The following CELF2 variants were observed in gnomAD, a reference collection of about 807,000 sequenced individuals.
The protein encoded by CELF2 is CUGBP Elav-like family member 2.
In CELF2, 8 loss-of-function variants were observed where a neutral mutation model predicts 62.6. The ratio of observed to expected loss-of-function variants is 0.13; its 90% CI spans 0.07 to 0.23. The LOEUF is 0.23. Among genes scored for constraint, CELF2 ranks in the 10% least tolerant of loss-of-function variants. CELF2 has a pLI of 1.00. For missense variants in CELF2, 333 were observed against 671.0 expected (o/e 0.50, Z 5.56); for synonymous variants, 258 against 250.0 (o/e 1.03, Z -0.30).
chr10:10,776,037 G>C, the CELF2 span, among the ~76,000 whole-genome samples: 1 of 152,210 alleles, frequency 6.6e-6, no homozygotes, highest in Non-Finnish European at 1.5e-5. Context: ...GTGCTCAACA[G>C]AGGCATCATT....
Position 10,822,761 on chromosome 10 carries a change from T to G in CELF2, c.53+23944T>G, listed in dbSNP as rs150932504. Among the ~76,000 whole-genome samples, 68 of 152,354 alleles carry G rather than the reference T, an allele frequency of 4.5e-4. No individual in the cohort carries two copies. The East Asian group carries it at 0.013, about 29-fold the overall frequency. The stretch of plus-strand genomic sequence containing the variant: ...GGGGGAGAAGGAGAGAGAGAACATG[T>G]TTTTGAACAAGTTTCAAAACCTAGT... On this transcript the variant is annotated intron_variant, in intron 1 of 13. Transcript: ENST00000636488.
At chr10:10,923,081 G>C (rs2065072640) in intron 2 of CELF2, 1 of 152,196 alleles carries the variant, frequency 6.6e-6, no homozygotes, top group Admixed American at 6.5e-5. Flanking sequence ...CACGGGGAAA[G>C]TACAAATTAG....
intron 8 of CELF2, among the ~76,000 whole-genome samples, chr10:11,286,321 A>C (rs2091293796): frequency 6.6e-6 from 1 of 152,202 alleles, no homozygotes; most frequent in Non-Finnish European, 1.5e-5. Context: ...TGCCATATGC[A>C]TATTGTAGGC....
In CELF2 at chr10:11,175,069, C is replaced by T. The variant is rs543904611; in HGVS notation, c.271+9387C>T. On this transcript the variant is annotated intron_variant, in intron 2 of 12. Transcript: ENST00000633077. ...TTAACATGTTTAAAGTCTGCCCCCC[C>T]GCCCCAAATGCTAAACGTTCCCAGT... Among the ~76,000 whole-genome samples the T allele has an allele frequency of 1.8e-3, 274 of 151,980 alleles. 2 individuals are homozygous for T. The highest frequency in any genetic ancestry group is 6.3e-3 in the African/African-American group (260 of 41,306).
At chr10:10,743,922 C>T in the CELF2 span, among the ~76,000 whole-genome samples, 1 of 151,028 alleles carries the variant, frequency 6.6e-6, no homozygotes, top group East Asian at 1.9e-4. Flanking sequence ...CAGCAGCAGC[C>T]ATGCTCATCT....
intron 9 of CELF2, among the ~76,000 whole-genome samples, chr10:11,313,848 T>C (rs1272837535): frequency 6.6e-6 from 1 of 151,848 alleles, no homozygotes; most frequent in Non-Finnish European, 1.5e-5. Flanking sequence ...CAAAGAATGA[T>C]TGTCAACTTC....
At chr10:10,551,085 A>G in the CELF2 span, among the ~76,000 whole-genome samples, 3 of 152,206 alleles carry the variant, frequency 2.0e-5, no homozygotes, top group Non-Finnish European at 2.9e-5. Flanking sequence ...GGGCATGCTC[A>G]GGTTATGTGA....
At chr10:10,743,162 T>C in the CELF2 span, among the ~76,000 whole-genome samples, 41 of 152,224 alleles carry the variant, frequency 2.7e-4, 1 homozygote, top group Admixed American at 8.5e-4. Flanking sequence ...TCTGATCTCA[T>C]AGTGTGTTCA....
chr10:10,582,476 G>A, the CELF2 span, among the ~76,000 whole-genome samples: 1 of 152,118 alleles, frequency 6.6e-6, no homozygotes, highest in Non-Finnish European at 1.5e-5. Flanking sequence ...CGATTATAGA[G>A]TCAAGGCTTC....
intron 2 of CELF2, among the ~76,000 whole-genome samples, chr10:10,991,729 G>A (rs1170905124): frequency 6.6e-6 from 1 of 152,114 alleles, no homozygotes; most frequent in African/African-American, 2.4e-5. Flanking sequence ...AAGAGGGAAG[G>A]AAATGCTCTT....
chr10:10,872,765 G>T (rs80251457), intron 1 of CELF2, among the ~76,000 whole-genome samples: 3,421 of 152,268 alleles, frequency 0.022, 136 homozygotes, highest in African/African-American at 0.078. Context: ...GGAAAGAAGA[G>T]AATTTTGTCC....
At chr10:10,805,073 A>G (rs1050874290) in intron 1 of CELF2, among the ~76,000 whole-genome samples, 3 of 152,342 alleles carry the variant, frequency 2.0e-5, no homozygotes, top group South Asian at 4.1e-4. Context: ...TGCTTTCTAC[A>G]TGCCATGCCT....
chr10:11,258,907 A>G (rs1258209248), intron 5 of CELF2, among the ~76,000 whole-genome samples: 2 of 152,134 alleles, frequency 1.3e-5, no homozygotes. Flanking sequence ...GATGGTCTCC[A>G]TCTCCTGACC....
At chr10:10,656,918 TAAA>T in the CELF2 span, among the ~76,000 whole-genome samples, 526 of 124,908 alleles carry the variant, frequency 4.2e-3, 5 homozygotes, top group African/African-American at 0.012. Flanking sequence ...GTAGAATCAA[TAAA>T]AAAAAAAAAA....
At chr10:10,790,018 T>C in the CELF2 span, among the ~76,000 whole-genome samples, 1 of 152,060 alleles carries the variant, frequency 6.6e-6, no homozygotes, top group South Asian at 2.1e-4. Flanking sequence ...AAATTTGCCT[T>C]CCTTATGTTT....
At chr10:10,465,679 T>C in the CELF2 span, among the ~76,000 whole-genome samples, 1 of 152,130 alleles carries the variant, frequency 6.6e-6, no homozygotes, top group Non-Finnish European at 1.5e-5. Flanking sequence ...TAGTCCTCTA[T>C]CCTCCTCATC....
chr10:10,495,447 C>T, the CELF2 span, among the ~76,000 whole-genome samples: 1 of 152,098 alleles, frequency 6.6e-6, no homozygotes, highest in South Asian at 2.1e-4. Context: ...TTAGACATTG[C>T]CCCTTTACTA....
the CELF2 span, among the ~76,000 whole-genome samples, chr10:10,632,838 T>A: frequency 6.6e-6 from 1 of 152,172 alleles, no homozygotes; most frequent in Non-Finnish European, 1.5e-5. Context: ...AGGATAAATT[T>A]CCAAAATAAC....
intron 1 of CELF2, among the ~76,000 whole-genome samples, chr10:11,128,478 T>C (rs1428807474): frequency 1.3e-5 from 2 of 152,248 alleles, no homozygotes; most frequent in Non-Finnish European, 2.9e-5. Flanking sequence ...AGTATGGCCA[T>C]TTTCACGATA....
Sources: allele counts gnomAD v4.1 joint callset (sites outside exome capture counted in the v4.1 genomes callset), GRCh38; gene constraint gnomAD v4.1.1; transcripts MANE v1.5; gene names NCBI Gene and HGNC (gene_info 2026-07-23, HGNC 2026-07-21).